Variants in CYP2B6 observed in about 807,000 individuals in gnomAD.
The protein encoded by CYP2B6 is cytochrome P450 family 2 subfamily B member 6, also known as cytochrome P450 2B6.
In CYP2B6, 35 loss-of-function variants were observed where a neutral mutation model predicts 43.4. The observed-to-expected ratio is 0.81, with a 90% CI of 0.62 to 1.07. The LOEUF (loss-of-function observed/expected upper bound fraction) is 1.07. Ranked by LOEUF, CYP2B6 falls within the 50% of genes least tolerant of loss-of-function variation. The pLI is 0.00. For missense variants in CYP2B6, 624 were observed against 632.8 expected, an observed-to-expected ratio of 0.99 and a Z score of 0.15; for synonymous variants, 239 against 239.2, an observed-to-expected ratio of 1.00 and a Z score of 0.01.
At chr19:41,014,957 A>C (rs1969338949) in intron 8 of CYP2B6, among the ~76,000 whole-genome samples, 1 of 152,184 alleles carries the variant, frequency 6.6e-6, no homozygotes, top group South Asian at 2.1e-4. Context: ...AGAAAGAATG[A>C]ACAAGACAAA....
In CYP2B6 at chr19:41,009,992, AG is replaced by A; in HGVS notation, c.823del. ...CCCCTTCCTTCCCTACTGTGGACGC[AG>A]GAGAAATCCAACGCACACAGTGAAT... is the stretch of plus-strand genomic sequence containing the variant. On this transcript the variant is annotated splice_acceptor_variant, in intron 5 of 8. Transcript: ENST00000324071. LOFTEE classifies it high-confidence loss of function. 6.2e-7 allele frequency: 1 copy of A among 1,614,102 alleles called. No individual in the cohort carries two copies. The highest frequency in any genetic ancestry group is 2.2e-5 in the East Asian group (1 of 44,878).
At chr19:40,998,148 G>A (rs191422549) in intron 1 of CYP2B6, among the ~76,000 whole-genome samples, 2 of 152,126 alleles carry the variant, frequency 1.3e-5, no homozygotes, top group East Asian at 1.9e-4. Flanking sequence ...ATTTAGGAAC[G>A]TGTGTATAGG....
chr19:40,993,021 T>A (rs1968944961), intron 1 of CYP2B6, among the ~76,000 whole-genome samples: 1 of 152,136 alleles, frequency 6.6e-6, no homozygotes, highest in Non-Finnish European at 1.5e-5. Context: ...TGAACCAAAC[T>A]GATCAAAATC....
chr19:40,991,518 T>G, intron 1 of CYP2B6, 42 bp downstream of exon 1: 2 of 1,607,714 alleles, frequency 1.2e-6, no homozygotes, highest in South Asian at 1.1e-5. Context: ...AGCTGCTTCT[T>G]GCCTTGGTAC....
In CYP2B6 at chr19:41,016,918, C is replaced by T; in HGVS notation, c.*91C>T. 3 of 1,383,364 alleles carry T rather than the reference C, an allele frequency of 2.2e-6. No individual in the cohort carries two copies. The highest frequency in any genetic ancestry group is 4.1e-5 in the Admixed American group (2 of 48,596). 85.7% of individuals were successfully genotyped at this position (1,383,364 alleles called of 1,614,324 possible). ...GGCTCTGACTCCCCGCAACTTCCTG[C>T]CTCTGAGAGACCTGCTACAAGCCAG... On this transcript the variant is annotated 3_prime_UTR_variant, in exon 9 of 9. Transcript: ENST00000324071.
At chr19:41,000,097 A>C (rs1277144844) in intron 1 of CYP2B6, among the ~76,000 whole-genome samples, 1 of 152,098 alleles carries the variant, frequency 6.6e-6, no homozygotes, top group Non-Finnish European at 1.5e-5. Context: ...TGGGTGGGTC[A>C]TCTTGGTTAA....
chr19:41,014,564 G>C (rs1374172378), intron 8 of CYP2B6, among the ~76,000 whole-genome samples: 188 of 152,176 alleles, frequency 1.2e-3, no homozygotes, highest in African/African-American at 4.4e-3. Context: ...CTCAGTTTCT[G>C]AAAGTCCTGG....
chr19:41,012,258 C>T (rs1289963359), intron 6 of CYP2B6, 40 bp from the exon 7 acceptor site: 1 of 1,604,796 alleles, frequency 6.2e-7, no homozygotes, highest in Admixed American at 1.7e-5. Flanking sequence ...CCTGAAATGC[C>T]TCTTTAAAAT....
At position 41,003,839 on chromosome 19, in the gene CYP2B6, A is replaced by G. The variant is rs549804083; in HGVS notation, c.172-162A>G. ...TTCTCTCCCTTGGACAGCGTTAACC[A>G]TTAACCCTTAATTGCTGGGTCCCAG... is the stretch of plus-strand genomic sequence containing the variant. On this transcript the variant is annotated intron_variant, in intron 1 of 8. Transcript: ENST00000324071. The G allele has an allele frequency of 2.8e-4, 258 of 919,870 alleles. No homozygotes were observed. The African/African-American group carries it at 3.6e-3, about 13-fold the overall frequency. 57.0% of individuals were successfully genotyped at this position (919,870 alleles called of 1,614,324 possible). A position where few individuals can be genotyped will look rare whatever the true frequency, so the allele number is the denominator to read the frequency against.
At chr19:41,002,010 C>CGTT (rs1179183412) in intron 1 of CYP2B6, among the ~76,000 whole-genome samples, 205 of 151,550 alleles carry the variant, frequency 1.4e-3, no homozygotes, top group African/African-American at 4.8e-3. Flanking sequence ...GGGGTGGCTA[C>CGTT]AAGAATCCTG....
intron 3 of CYP2B6, among the ~76,000 whole-genome samples, 192 bp from the exon 4 acceptor site, chr19:41,006,713 G>T (rs945625680): frequency 3.3e-5 from 5 of 152,062 alleles, no homozygotes; most frequent in Non-Finnish European, 7.3e-5. Flanking sequence ...TAATCAAATT[G>T]CATCTGCCTC....
At chr19:41,013,218 T>C (rs73933726) in intron 8 of CYP2B6, among the ~76,000 whole-genome samples, 3,095 of 152,190 alleles carry the variant, frequency 0.02, 111 homozygotes, top group African/African-American at 0.07. Flanking sequence ...ATTCATCAAA[T>C]AATAATAAAA....
In CYP2B6 at chr19:40,991,394, T is replaced by G; in HGVS notation, c.89T>G (p.Leu30Arg). ...CGCCACCCTAACACCCATGACCGCC[T>G]CCCACCAGGGCCCCGCCCTCTGCCC... ...VQRHPNTHDR[L>R]PPGPRPLPLL... The change falls in exon 1 of 9, where the codon CTC becomes CGC. Residue 30 changes from leucine (L) to arginine (R), a missense_variant. Physicochemically the swap from Leu to Arg is moderately radical, Grantham distance 102. Transcript: ENST00000324071. The G allele has an allele frequency of 6.2e-7, 1 of 1,614,034 alleles. No individual in the cohort carries two copies.
In CYP2B6 at chr19:41,007,061, G is replaced by T. The variant is rs767845625; in HGVS notation, c.641G>T (p.Gly214Val). 6.2e-7 allele frequency: 1 copy of T among 1,614,096 alleles called. No individual in the cohort carries two copies. The highest frequency in any genetic ancestry group is 2.2e-5 in the East Asian group (1 of 44,882). The change falls in exon 4 of 9, where the codon GGC (glycine) becomes GTC (valine). Residue 214 changes from glycine to valine, a missense_variant. Physicochemically the swap from Gly to Val is moderately radical, Grantham distance 109. Coordinates refer to ENST00000324071, the MANE Select transcript of CYP2B6 (RefSeq NM_000767.5). ...QTFSLISSVF[G>V]QLFELFSGFL... ...TTTTCACTCATCAGCTCTGTATTCG[G>T]CCAGGTCAGGGAGACGGAGAGGGAC...
intron 4 of CYP2B6, among the ~76,000 whole-genome samples, chr19:41,007,877 C>T (rs549256924): frequency 6.6e-6 from 1 of 152,084 alleles, no homozygotes; most frequent in East Asian, 1.9e-4. Flanking sequence ...CTGCCCGCCT[C>T]AGACTCCTAA....
In CYP2B6 at chr19:41,004,453, C is replaced by T. The variant is rs758644523; in HGVS notation, c.484+7C>T. The T allele has an allele frequency of 3.1e-6, 5 of 1,613,132 alleles. No homozygotes were observed. The highest frequency in any genetic ancestry group is 4.2e-6 in the Non-Finnish European group (5 of 1,179,700). On this transcript the variant is annotated splice_region_variant and intron_variant, in intron 3 of 8. Coordinates refer to ENST00000324071, the MANE Select transcript of CYP2B6 (RefSeq NM_000767.5). ...GAGCTTCGGAAATCCAAGGGTGAGT[C>T]CTGGGGGATGAATAGGAAAGAAAGA... is the stretch of plus-strand genomic sequence containing the variant.
chr19:41,013,148 A>G (rs948223323), intron 8 of CYP2B6: 17 of 304,962 alleles, frequency 5.6e-5, no homozygotes, highest in African/African-American at 1.3e-4. Flanking sequence ...GCATCAAACA[A>G]GTCACACAGA....
chr19:41,008,943 G>T (rs58780958), intron 4 of CYP2B6, among the ~76,000 whole-genome samples: 1 of 151,062 alleles, frequency 6.6e-6, no homozygotes, highest in Non-Finnish European at 1.5e-5. Context: ...ACACAGAAAG[G>T]AAGTGAGACA....
chr19:40,995,403 T>A (rs1336497509), intron 1 of CYP2B6, among the ~76,000 whole-genome samples: 1 of 152,110 alleles, frequency 6.6e-6, no homozygotes. Flanking sequence ...TCCTTCCCAA[T>A]GGAGTACAAG....
Sources: allele counts gnomAD v4.1 joint callset (sites outside exome capture counted in the v4.1 genomes callset), GRCh38; gene constraint gnomAD v4.1.1; transcripts MANE v1.5; gene names NCBI Gene and HGNC (gene_info 2026-07-23, HGNC 2026-07-21).